Variants in ZNF644 observed in about 807,000 individuals in gnomAD.
ZNF644 encodes zinc finger protein 644.
A neutral mutation model predicts 108.0 loss-of-function variants in ZNF644; 20 were observed. The observed-to-expected ratio is 0.19, with a 90% CI of 0.13 to 0.27. ZNF644 has a LOEUF of 0.27. ZNF644 is among the 10% of genes least tolerant of loss of function. ZNF644 has a pLI of 1.00. For missense variants in ZNF644, 1,338 were observed against 1,548.9 expected, an observed-to-expected ratio of 0.86 and a Z score of 2.29; for synonymous variants, 542 against 539.1, an observed-to-expected ratio of 1.01 and a Z score of -0.08.
chr1:90,927,397 C>G (rs1174758297), intron 4 of ZNF644, among the ~76,000 whole-genome samples: 1 of 152,096 alleles, frequency 6.6e-6, no homozygotes, highest in Non-Finnish European at 1.5e-5. Context: ...TAGCCTAATT[C>G]TTGCTGGAAT....
At position 90,941,223 on chromosome 1, in the gene ZNF644, T is replaced by C; in HGVS notation, c.131A>G (p.Asp44Gly). The C allele has an allele frequency of 1.2e-6, 2 of 1,604,436 alleles. No individual in the cohort carries two copies. The highest frequency in any genetic ancestry group is 1.7e-6 in the Non-Finnish European group (2 of 1,177,142). Residue 44 changes from aspartate (D) to glycine (G), a missense_variant, in exon 3 of 6, where the codon GAT becomes GGT. Physicochemically the swap from Asp to Gly is moderately conservative, Grantham distance 94. Coordinates refer to ENST00000337393, the MANE Select transcript of ZNF644 (RefSeq NM_201269.3). The part of the protein sequence containing the change: ...DITGAKEELL[D>G]DNNFISDKES... Reference sequence around the variant, plus strand: ...TTTGTCTGAGATAAAATTGTTGTCATCTAGGAGTTCTTCTTTAGCACCAGT... The same window carrying C: ...TTTGTCTGAGATAAAATTGTTGTCACCTAGGAGTTCTTCTTTAGCACCAGT...
chr1:90,938,844 G>T lies in ZNF644; in HGVS notation c.2510C>A (p.Thr837Asn). 6.2e-7 allele frequency: 1 copy of T among 1,613,760 alleles called. No individual in the cohort carries two copies. Among genetic ancestry groups the T allele is most frequent in the Non-Finnish European group, 8.5e-7 (1 of 1,179,910 alleles). Reference protein sequence around the residue: ...DSYPDFLHKMTVVVLQKLNSA... With the variant: ...DSYPDFLHKMNVVVLQKLNSA... ...ATTAAGTTTTTGCAAAACGACAACAGTCATTTTATGCAAAAAATCTGGATA... is the reference window on the plus strand; with the variant it reads ...ATTAAGTTTTTGCAAAACGACAACATTCATTTTATGCAAAAAATCTGGATA... Residue 837 changes from threonine (T) to asparagine (N), a missense_variant, in exon 3 of 6, where the codon ACT (threonine) becomes AAT (asparagine). By Grantham distance (65) the Thr-to-Asn change is moderately conservative (BLOSUM62 0). Around this residue, in one of 6 missense-constraint regions of ZNF644, gnomAD observed 462 missense variants for 472.6 expected, o/e 0.98. Coordinates refer to ENST00000337393, the MANE Select transcript of ZNF644 (RefSeq NM_201269.3). The surrounding 1 kb of genome is among the most constrained non-coding windows in gnomAD (Gnocchi z 4.2).
chr1:90,998,122 A>G (rs1658362850), intron 1 of ZNF644, among the ~76,000 whole-genome samples: 1 of 152,200 alleles, frequency 6.6e-6, no homozygotes. Context: ...CTCTTGGGGC[A>G]GGGCACAGCC....
intron 4 of ZNF644, among the ~76,000 whole-genome samples, chr1:90,919,692 T>C (rs1649204157): frequency 6.6e-6 from 1 of 152,076 alleles, no homozygotes; most frequent in Admixed American, 6.6e-5. Context: ...AACTCTGGAA[T>C]AGAAAAATCT....
intron 2 of ZNF644, among the ~76,000 whole-genome samples, chr1:90,943,524 CTTA>C (rs1652219815): frequency 1.3e-5 from 2 of 152,154 alleles, no homozygotes; most frequent in Admixed American, 6.5e-5. Flanking sequence ...ATAATCTGAT[CTTA>C]TTCTTTCCAT....
intron 5 of ZNF644, 111 bp downstream of exon 5, chr1:90,917,941 G>T: frequency 2.3e-6 from 2 of 869,888 alleles, no homozygotes; most frequent in Non-Finnish European, 3.8e-6. Flanking sequence ...TTTATAACTT[G>T]ATTGTTGAGA....
At chr1:90,966,927 A>G (rs1654967532) in intron 2 of ZNF644, among the ~76,000 whole-genome samples, 1 of 152,026 alleles carries the variant, frequency 6.6e-6, no homozygotes. Context: ...TCATAAGCAG[A>G]AAGAGTTTCT....
At chr1:90,918,440 G>T (rs1404753223) in intron 4 of ZNF644, 3 of 305,140 alleles carry the variant, frequency 9.8e-6, no homozygotes, top group Non-Finnish European at 1.9e-5. Context: ...CTGAGAAAAT[G>T]TAACTAAATA....
intron 4 of ZNF644, among the ~76,000 whole-genome samples, chr1:90,924,650 C>T (rs371926719): frequency 6.6e-6 from 1 of 152,152 alleles, no homozygotes; most frequent in African/African-American, 2.4e-5. Flanking sequence ...AATCCATGGT[C>T]GCAATGGATC....
intron 2 of ZNF644, among the ~76,000 whole-genome samples, chr1:90,950,391 G>A (rs114872095): frequency 0.034 from 5,055 of 149,366 alleles, 129 homozygotes; most frequent in South Asian, 0.079. Flanking sequence ...TGTTGTTATT[G>A]TTAGTAGTTT....
chr1:90,956,930 G>A (rs992950975), intron 2 of ZNF644, among the ~76,000 whole-genome samples: 1 of 152,072 alleles, frequency 6.6e-6, no homozygotes, highest in African/African-American at 2.4e-5. Context: ...ACAAAAGAGA[G>A]AAGAACACAA....
intron 1 of ZNF644, among the ~76,000 whole-genome samples, chr1:90,997,401 C>T (rs1356121082): frequency 6.6e-6 from 1 of 151,722 alleles, no homozygotes; most frequent in Non-Finnish European, 1.5e-5. Flanking sequence ...TTTCAGTGCC[C>T]ATATGTGACA....
chr1:90,978,339 C>CAAAACTTTGTCTTAA (rs1485350904), intron 2 of ZNF644, among the ~76,000 whole-genome samples: 4 of 140,694 alleles, frequency 2.8e-5, no homozygotes, highest in Non-Finnish European at 6.1e-5. Flanking sequence ...GCAACAAGAG[C>CAAAACTTTGTCTTAA]AAAACTTTGT....
At chr1:90,942,996 G>C (rs949550263) in intron 2 of ZNF644, among the ~76,000 whole-genome samples, 1 of 152,038 alleles carries the variant, frequency 6.6e-6, no homozygotes, top group African/African-American at 2.4e-5. Flanking sequence ...TTTTTAATTT[G>C]CATAACAAGT....
chr1:90,921,709 G>A (rs1386245421), intron 4 of ZNF644, among the ~76,000 whole-genome samples: 2 of 151,290 alleles, frequency 1.3e-5, no homozygotes, highest in Non-Finnish European at 2.9e-5. Flanking sequence ...TTACTCATAC[G>A]GAGAATAAAT....
intron 4 of ZNF644, among the ~76,000 whole-genome samples, chr1:90,932,463 T>C (rs1304458863): frequency 6.6e-6 from 1 of 152,220 alleles, no homozygotes; most frequent in Non-Finnish European, 1.5e-5. Flanking sequence ...GGTAAGATTT[T>C]ATAAAAATGA....
At chr1:91,016,189 C>T (rs1660419487) in intron 1 of ZNF644, among the ~76,000 whole-genome samples, 1 of 152,244 alleles carries the variant, frequency 6.6e-6, no homozygotes, top group East Asian at 1.9e-4. Context: ...TCTGTGAAGC[C>T]TTTTACCCAC....
At chr1:90,941,844 T>G (rs1011661433) in intron 2 of ZNF644, among the ~76,000 whole-genome samples, 10 of 152,288 alleles carry the variant, frequency 6.6e-5, no homozygotes, top group African/African-American at 2.4e-4. Context: ...GTAAATAACT[T>G]TATTGAATGA....
In ZNF644 at chr1:90,939,592, A is replaced by T. The variant is rs1651736383; in HGVS notation, c.1762T>A (p.Cys588Ser). The T allele has an allele frequency of 6.2e-7, 1 of 1,613,910 alleles. No homozygotes were observed. Among genetic ancestry groups the T allele is most frequent in the South Asian group, 1.1e-5 (1 of 91,086 alleles). ...GSSKKSATYI[C>S]KMCPFTTSAK... is the part of the protein sequence containing the mutation. Reference sequence around the variant, plus strand: ...GAAGTAGTAAAAGGACACATCTTACATATGTAGGTAGCTGATTTTTTGGAT... The same window carrying T: ...GAAGTAGTAAAAGGACACATCTTACTTATGTAGGTAGCTGATTTTTTGGAT... Residue 588 changes from cysteine (C) to serine (S), a missense_variant, in exon 3 of 6, where the codon TGT becomes AGT. Cys to Ser is a moderately radical substitution (Grantham distance 112). Around this residue, in one of 6 missense-constraint regions of ZNF644, gnomAD observed 462 missense variants for 472.6 expected, o/e 0.98. Coordinates refer to ENST00000337393, the MANE Select transcript of ZNF644 (RefSeq NM_201269.3).
Sources: allele counts gnomAD v4.1 joint callset (sites outside exome capture counted in the v4.1 genomes callset), GRCh38; gene constraint gnomAD v4.1.1; regional missense constraint gnomAD v4.1.1; non-coding constraint Gnocchi (gnomAD v3.1); transcripts MANE v1.5; gene names NCBI Gene and HGNC (gene_info 2026-07-23, HGNC 2026-07-21).